ZBTB16: variants seen among roughly 807,000 people sequenced by gnomAD.
ZBTB16 encodes the protein zinc finger and BTB domain-containing protein 16.
In ZBTB16, 8 loss-of-function variants were observed where a neutral mutation model predicts 56.8. That is an observed-to-expected ratio of 0.14 (90% CI 0.08 to 0.25). The LOEUF (loss-of-function observed/expected upper bound fraction) is 0.25, where lower values mean the gene tolerates loss of function less well. Ranked by LOEUF, ZBTB16 falls within the 10% of genes least tolerant of loss-of-function variation. The probability of loss-of-function intolerance (pLI) is 1.00; values close to 1 mark genes in which losing one functional copy is unlikely to be tolerated. For synonymous variants in ZBTB16, 363 were observed against 368.5 expected (o/e 0.98, Z 0.17); for missense variants, 625 against 903.0 (o/e 0.69, Z 3.95).
chr11:114,164,764 C>T (rs1942695758), intron 3 of ZBTB16, among the ~76,000 whole-genome samples: 1 of 152,146 alleles, frequency 6.6e-6, no homozygotes, highest in South Asian at 2.1e-4. Flanking sequence ...GGGGCCCCAC[C>T]CTGCTTTGGG....
At chr11:114,132,020 G>T (rs1485703394) in intron 2 of ZBTB16, among the ~76,000 whole-genome samples, 1 of 152,022 alleles carries the variant, frequency 6.6e-6, no homozygotes, top group Non-Finnish European at 1.5e-5. Flanking sequence ...AGGGGGAGCG[G>T]CGGAAGTTAG....
chr11:114,113,753 T>C (rs1032493679), intron 2 of ZBTB16, among the ~76,000 whole-genome samples: 4 of 152,212 alleles, frequency 2.6e-5, no homozygotes, highest in African/African-American at 9.6e-5. Flanking sequence ...CTATTCCTCT[T>C]CCTAAATGAA....
At chr11:114,165,396 G>T (rs563446196) in intron 3 of ZBTB16, among the ~76,000 whole-genome samples, 1 of 152,180 alleles carries the variant, frequency 6.6e-6, no homozygotes, top group Non-Finnish European at 1.5e-5. Context: ...GGCCCTTATT[G>T]GACTTTGCTG....
chr11:114,230,320 C>T (rs773434605), intron 4 of ZBTB16, among the ~76,000 whole-genome samples: 14 of 152,130 alleles, frequency 9.2e-5, no homozygotes, highest in African/African-American at 2.9e-4. Context: ...TACATTCTGC[C>T]GTTGCTAAGA....
At chr11:114,094,241 G>A (rs1940298098) in intron 2 of ZBTB16, among the ~76,000 whole-genome samples, 3 of 38,398 alleles carry the variant, frequency 7.8e-5, no homozygotes, top group East Asian at 7.5e-4. Context: ...CGTGAACCCG[G>A]GAGGCAGAGT....
chr11:114,253,893 C>T lies in ZBTB16; in HGVS notation c.*3338C>T, dbSNP rs953070414. Among the ~76,000 whole-genome samples the T allele has an allele frequency of 2.0e-5, 3 of 152,094 alleles. No individual in the cohort carries two copies. Among genetic ancestry groups the T allele is most frequent in the African/African-American group, 7.2e-5 (3 of 41,412 alleles). On this transcript the variant is annotated 3_prime_UTR_variant, in exon 7 of 7. Transcript: ENST00000335953. ...GGTGGGATCTGAATATCTGTCCTCC[C>T]CTCTTCTTCATGCCACCTGACTCCT... is the stretch of plus-strand genomic sequence containing the variant.
chr11:114,194,094 A>G (rs1395625011), intron 4 of ZBTB16, among the ~76,000 whole-genome samples: 1 of 152,018 alleles, frequency 6.6e-6, no homozygotes, highest in African/African-American at 2.4e-5. Flanking sequence ...CTCTTTTGGA[A>G]CCCTGTGCTC....
chr11:114,132,837 GTCTT>G lies in ZBTB16; in HGVS notation c.1269-23495_1269-23492del, dbSNP rs1411027122. On this transcript the variant is annotated intron_variant, in intron 2 of 6. Transcript: ENST00000335953. Reference sequence around the variant, plus strand: ...AAATGGAGTTGTGGGTGTACCTGGGGTCTTTCTTGTTACAGTATAGACTCTGAGG... The same window carrying G: ...AAATGGAGTTGTGGGTGTACCTGGGGTCTTGTTACAGTATAGACTCTGAGG... 2.6e-5 allele frequency among the ~76,000 whole-genome samples: 4 copies of G among 152,028 alleles called. No homozygotes were observed. In the East Asian group the frequency reaches 7.7e-4, roughly 29 times the overall value.
At chr11:114,215,579 C>T (rs576371454) in intron 4 of ZBTB16, among the ~76,000 whole-genome samples, 2 of 152,168 alleles carry the variant, frequency 1.3e-5, no homozygotes, top group African/African-American at 2.4e-5. Flanking sequence ...TGTCTTTACC[C>T]TACAACGAGA....
intron 3 of ZBTB16, among the ~76,000 whole-genome samples, chr11:114,178,050 G>A (rs1053389774): frequency 6.6e-6 from 1 of 152,186 alleles, no homozygotes; most frequent in African/African-American, 2.4e-5. Flanking sequence ...TTGGCCATGA[G>A]TGATGATGGG....
intron 2 of ZBTB16, among the ~76,000 whole-genome samples, chr11:114,083,003 G>C (rs1005911455): frequency 3.0e-4 from 45 of 152,202 alleles, no homozygotes; most frequent in African/African-American, 1.1e-3. Flanking sequence ...GTTGTGTAAC[G>C]AGGGGCATGG....
Position 114,251,331 on chromosome 11 carries a change from C to T in ZBTB16, c.*776C>T, listed in dbSNP as rs1944914348. Among the ~76,000 whole-genome samples, 1 of 152,206 alleles carries T rather than the reference C, an allele frequency of 6.6e-6. No individual in the cohort carries two copies. Among genetic ancestry groups the T allele is most frequent in the South Asian group, 2.1e-4 (1 of 4,826 alleles). ...AGCTGCCTCTGACTTCAGGGTCCCTCCTACCCTCAGCCTTCTGAGAACACA... is the reference window on the plus strand; with the variant it reads ...AGCTGCCTCTGACTTCAGGGTCCCTTCTACCCTCAGCCTTCTGAGAACACA... On this transcript the variant is annotated 3_prime_UTR_variant, in exon 7 of 7. Transcript: ENST00000335953.
At chr11:114,079,113 A>AT (rs1939674464) in intron 2 of ZBTB16, among the ~76,000 whole-genome samples, 3 of 105,084 alleles carry the variant, frequency 2.9e-5, no homozygotes, top group Admixed American at 2.0e-4. Flanking sequence ...AAAAAAAAAA[A>AT]GAAGAAGAAG....
intron 2 of ZBTB16, among the ~76,000 whole-genome samples, chr11:114,114,283 G>A (rs1009853509): frequency 2.6e-5 from 4 of 152,258 alleles, no homozygotes; most frequent in Non-Finnish European, 5.9e-5. Flanking sequence ...ATTTACAAGC[G>A]ATGTTACTTT....
chr11:114,197,366 C>A (rs562365836), intron 4 of ZBTB16, among the ~76,000 whole-genome samples: 2 of 152,076 alleles, frequency 1.3e-5, no homozygotes, highest in African/African-American at 2.4e-5. Flanking sequence ...TGGAGGGAAC[C>A]CCACCCAAAG....
intron 5 of ZBTB16, chr11:114,246,866 T>G: frequency 2.8e-6 from 1 of 352,808 alleles, no homozygotes. Flanking sequence ...GGAGAAGAGG[T>G]CATCTGAGAA....
At chr11:114,127,989 C>T (rs1385260394) in intron 2 of ZBTB16, among the ~76,000 whole-genome samples, 1 of 152,140 alleles carries the variant, frequency 6.6e-6, no homozygotes, top group Non-Finnish European at 1.5e-5. Context: ...CATCCCCAGC[C>T]TCCTGACTCC....
chr11:114,151,492 A>G (rs1382592754), intron 2 of ZBTB16, among the ~76,000 whole-genome samples: 1 of 152,148 alleles, frequency 6.6e-6, no homozygotes, highest in African/African-American at 2.4e-5. Flanking sequence ...ACTTTTCCCA[A>G]TTACAGGTCC....
intron 3 of ZBTB16, among the ~76,000 whole-genome samples, chr11:114,161,870 T>A (rs513249): frequency 0.37 from 55,759 of 152,108 alleles, 13,872 homozygotes; most frequent in African/African-American, 0.7. Context: ...GTTGGAGAAC[T>A]TGAAGACTGG....
Sources: gnomAD v4.1 joint callset for allele counts (sites outside exome capture counted in the v4.1 genomes callset) on GRCh38, gnomAD v4.1.1 for gene constraint, MANE v1.5 for transcripts, NCBI Gene and HGNC (gene_info 2026-07-23, HGNC 2026-07-21) for gene names.